The following GABRR2 variants were observed in gnomAD, a reference collection of about 807,000 sequenced individuals.
GABRR2 encodes the protein gamma-aminobutyric acid type A receptor subunit rho2.
In GABRR2, 36 loss-of-function variants were observed where a neutral mutation model predicts 47.0. The observed-to-expected ratio is 0.77, with a 90% CI of 0.59 to 1.01. GABRR2 has a LOEUF of 1.01. Among genes scored for constraint, GABRR2 ranks in the 50% least tolerant of loss-of-function variants. GABRR2 has a pLI of 0.00. For synonymous variants in GABRR2, 204 were observed against 227.5 expected (o/e 0.90, Z 0.93); for missense variants, 587 against 594.6 (o/e 0.99, Z 0.13).
In GABRR2 at chr6:89,300,466, C is replaced by T. The variant is rs113984716; in HGVS notation, c.114-601G>A. On this transcript the variant is annotated intron_variant, in intron 1 of 8. Transcript: ENST00000402938. ...CGCAGGTTGCAGTGAGTGGAGATTGCGCCACCCGGGTGATAGAGTGAGACT... is the reference window on the plus strand; with the variant it reads ...CGCAGGTTGCAGTGAGTGGAGATTGTGCCACCCGGGTGATAGAGTGAGACT... Among the ~76,000 whole-genome samples the T allele has an allele frequency of 9.8e-3, 1,488 of 151,738 alleles. 20 individuals carry two copies. The highest frequency in any genetic ancestry group is 0.034 in the African/African-American group (1,417 of 41,372).
chr6:89,283,645 A>G (rs563095540), intron 2 of GABRR2, among the ~76,000 whole-genome samples: 2 of 152,292 alleles, frequency 1.3e-5, no homozygotes, highest in African/African-American at 4.8e-5. Flanking sequence ...TGCATAAAAT[A>G]GCTTTGGAAG....
In GABRR2 at chr6:89,277,540, G is replaced by A. The variant is rs78944919; in HGVS notation, c.221-5818C>T. Among the ~76,000 whole-genome samples, 127 of 151,974 alleles carry A rather than the reference G, an allele frequency of 8.4e-4. 2 individuals carry two copies. The East Asian group carries it at 0.022, about 26-fold the overall frequency. On this transcript the variant is annotated intron_variant, in intron 2 of 8. Transcript: ENST00000402938. ...AGATTTGAATAGGCATTTCACAAAAGAGGAAATTAACAATAAACATATTTG... is the reference window on the plus strand; with the variant it reads ...AGATTTGAATAGGCATTTCACAAAAAAGGAAATTAACAATAAACATATTTG...
Position 89,257,462 on chromosome 6 carries a change from C to G in GABRR2, c.*208G>C, listed in dbSNP as rs770771767. ...GAGAGATGTGAAGTGTGACGCGAGACAGCATGAACATGGAGCAGCCCCACG... is the reference window on the plus strand; with the variant it reads ...GAGAGATGTGAAGTGTGACGCGAGAGAGCATGAACATGGAGCAGCCCCACG... On this transcript the variant is annotated 3_prime_UTR_variant, in exon 9 of 9. Coordinates refer to ENST00000402938, the MANE Select transcript of GABRR2 (RefSeq NM_002043.5). 3.1e-5 allele frequency: 18 copies of G among 579,590 alleles called. No homozygotes were observed. The highest frequency in any genetic ancestry group is 4.9e-5 in the Non-Finnish European group (16 of 326,886). The allele number at this position is 579,590 out of a possible 1,614,324, so 35.9% of individuals were successfully genotyped here. A position where few individuals can be genotyped will look rare whatever the true frequency, so the allele number is the denominator to read the frequency against.
chr6:89,281,167 C>A (rs1048846971), intron 2 of GABRR2, among the ~76,000 whole-genome samples: 4 of 152,240 alleles, frequency 2.6e-5, no homozygotes, highest in African/African-American at 9.7e-5. Context: ...GTCCACCAGA[C>A]CAAGCCCTGA....
intron 2 of GABRR2, among the ~76,000 whole-genome samples, chr6:89,294,989 C>T (rs1582459011): frequency 6.6e-6 from 1 of 152,044 alleles, no homozygotes; most frequent in Admixed American, 6.5e-5. Context: ...TTTATGGCTG[C>T]ATTGTATTCC....
intron 2 of GABRR2, among the ~76,000 whole-genome samples, chr6:89,285,537 T>C (rs940415850): frequency 1.3e-5 from 2 of 152,062 alleles, no homozygotes; most frequent in African/African-American, 4.8e-5. Context: ...CAGAGCAGCA[T>C]CACCATCACC....
At chr6:89,297,259 T>A (rs144585553) in intron 2 of GABRR2, among the ~76,000 whole-genome samples, 3 of 152,344 alleles carry the variant, frequency 2.0e-5, no homozygotes, top group Admixed American at 6.5e-5. Flanking sequence ...TTTTTCTTAT[T>A]TTAAGATAAA....
Position 89,264,537 on chromosome 6 carries a change from C to T in GABRR2, c.961G>A (p.Val321Ile), listed in dbSNP as rs2228644. ...CAGAGGTAGATGTCCACGGCCTTGA[C>T]GTAGGAGACGCGCGGCATGGAGGCA... Reference protein sequence around the residue: ...VNASMPRVSYVKAVDIYLWVS... With the variant: ...VNASMPRVSYIKAVDIYLWVS... The change falls in exon 8 of 9, where the codon GTC (valine) becomes ATC (isoleucine). Residue 321 changes from valine to isoleucine, a missense_variant. Transcript: ENST00000402938. The T allele has an allele frequency of 3.8e-4, 616 of 1,614,104 alleles. 4 individuals carry two copies. The African/African-American group carries it at 6.1e-3, about 16-fold the overall frequency.
rs1392249912 is a variant in GABRR2 at position 89,255,230 on chromosome 6, A to G, written c.*2440T>C. On this transcript the variant is annotated 3_prime_UTR_variant, in exon 9 of 9. Coordinates refer to ENST00000402938, the MANE Select transcript of GABRR2 (RefSeq NM_002043.5). Reference sequence around the variant, plus strand: ...GGCAGGCGGATCACCTGAGGTCAGGAGTTCAAGACCAGGCTGACTAACATG... The same window carrying G: ...GGCAGGCGGATCACCTGAGGTCAGGGGTTCAAGACCAGGCTGACTAACATG... Among the ~76,000 whole-genome samples, 2 of 152,128 alleles carry G rather than the reference A, an allele frequency of 1.3e-5. No individual in the cohort carries two copies. The highest frequency in any genetic ancestry group is 2.9e-5 in the Non-Finnish European group (2 of 68,026).
In GABRR2 at chr6:89,255,543, A is replaced by G. The variant is rs1440703970; in HGVS notation, c.*2127T>C. The stretch of plus-strand genomic sequence containing the variant: ...ATTGGTCTGTGAGACTGGGAAATCT[A>G]GTAGTCTTGGGTCCAGCAACTCCAT... On this transcript the variant is annotated 3_prime_UTR_variant, in exon 9 of 9. Transcript: ENST00000402938. Among the ~76,000 whole-genome samples the G allele has an allele frequency of 2.0e-4, 31 of 152,152 alleles. No homozygotes were observed. Among genetic ancestry groups the G allele is most frequent in the Admixed American group, 2.0e-3 (31 of 15,274 alleles).
intron 2 of GABRR2, among the ~76,000 whole-genome samples, chr6:89,295,140 C>A (rs559134187): frequency 7.1e-4 from 108 of 152,238 alleles, no homozygotes; most frequent in African/African-American, 2.5e-3. Flanking sequence ...ATTTATAATT[C>A]TTTGGGTATA....
At chr6:89,290,639 G>C (rs76919529) in intron 2 of GABRR2, among the ~76,000 whole-genome samples, 4,325 of 152,300 alleles carry the variant, frequency 0.028, 189 homozygotes, top group African/African-American at 0.094. Context: ...CTCTTGCCTG[G>C]GTCTGAGGTG....
chr6:89,305,670 A>T (rs1767547146), intron 1 of GABRR2, among the ~76,000 whole-genome samples: 1 of 152,154 alleles, frequency 6.6e-6, no homozygotes, highest in Non-Finnish European at 1.5e-5. Flanking sequence ...CTTTAGCTGG[A>T]ACATGGATGG....
At chr6:89,304,606 AAAAAG>A (rs1767520701) in intron 1 of GABRR2, among the ~76,000 whole-genome samples, 1 of 152,020 alleles carries the variant, frequency 6.6e-6, no homozygotes, top group African/African-American at 2.4e-5. Context: ...AGAAAAAAAA[AAAAAG>A]AAAAAAAGTG....
intron 6 of GABRR2, 120 bp from the exon 7 acceptor site, chr6:89,265,885 GA>G: frequency 1.1e-6 from 1 of 941,676 alleles, no homozygotes; most frequent in Non-Finnish European, 1.6e-6. Flanking sequence ...TGAAATTAAT[GA>G]CCAGTTGGCT....
intron 1 of GABRR2, chr6:89,301,788 G>C (rs1767444687): frequency 6.2e-6 from 5 of 801,074 alleles, no homozygotes; most frequent in Non-Finnish European, 1.1e-5. Flanking sequence ...CCAGTATGAG[G>C]GAGATCCTGC....
chr6:89,265,536 T>C, intron 7 of GABRR2, 77 bp downstream of exon 7: 1 of 1,479,576 alleles, frequency 6.8e-7, no homozygotes, highest in Non-Finnish European at 9.1e-7. Flanking sequence ...GTCTAAGTAA[T>C]GATTTTTACT....
At chr6:89,302,690 C>T in intron 1 of GABRR2, 1 of 1,319,328 alleles carries the variant, frequency 7.6e-7, no homozygotes, top group South Asian at 1.2e-5. Context: ...ACCACGGCTG[C>T]TACCTGGCAG....
intron 2 of GABRR2, among the ~76,000 whole-genome samples, chr6:89,287,154 C>G (rs1279032020): frequency 6.6e-6 from 1 of 152,132 alleles, no homozygotes; most frequent in Non-Finnish European, 1.5e-5. Context: ...TGACCAGGAT[C>G]CTGTGACTTG....
Sources: allele counts gnomAD v4.1 joint callset (sites outside exome capture counted in the v4.1 genomes callset), GRCh38; gene constraint gnomAD v4.1.1; transcripts MANE v1.5; gene names NCBI Gene and HGNC (gene_info 2026-07-23, HGNC 2026-07-21).